Variants in FAM32A observed in about 807,000 individuals in gnomAD.
FAM32A encodes the protein family with sequence similarity 32 member A.
In FAM32A, 9 loss-of-function variants were observed where a neutral mutation model predicts 15.8. The observed-to-expected ratio is 0.57, with a 90% CI of 0.34 to 1.00. FAM32A has a LOEUF of 1.00. Ranked by LOEUF, FAM32A falls within the 50% of genes least tolerant of loss-of-function variation. The pLI is 0.02. For synonymous variants in FAM32A, 64 were observed against 54.9 expected (o/e 1.16, Z -0.73); for missense variants, 113 against 138.3 (o/e 0.82, Z 0.92).
At chr19:16,189,038 T>TG (rs1303594574) in intron 2 of FAM32A, among the ~76,000 whole-genome samples, 45 of 149,056 alleles carry the variant, frequency 3.0e-4, no homozygotes, top group Non-Finnish European at 3.0e-5. Flanking sequence ...TTTTTTTTTT[T>TG]TTTTGAGACA....
intron 2 of FAM32A, among the ~76,000 whole-genome samples, chr19:16,188,340 C>T (rs976592903): frequency 6.6e-6 from 1 of 152,102 alleles, no homozygotes; most frequent in Non-Finnish European, 1.5e-5. Context: ...AATGAAGGTG[C>T]TGTTTACTGG....
intron 2 of FAM32A, 55 bp from the exon 3 acceptor site, chr19:16,190,465 C>T (rs1953687618): frequency 6.9e-6 from 9 of 1,313,160 alleles, no homozygotes; most frequent in Non-Finnish European, 9.8e-6. Context: ...CACCCCATGC[C>T]AGCCTGGGCT....
intron 3 of FAM32A, among the ~76,000 whole-genome samples, 156 bp downstream of exon 3, chr19:16,190,729 C>G (rs1356455216): frequency 6.6e-6 from 1 of 152,094 alleles, no homozygotes; most frequent in East Asian, 1.9e-4. Flanking sequence ...AAAGGGGAGC[C>G]CAGGGTTCAG....
chr19:16,185,835 G>T, intron 2 of FAM32A, 70 bp downstream of exon 2: 2 of 1,494,902 alleles, frequency 1.3e-6, no homozygotes, highest in Non-Finnish European at 1.8e-6. Context: ...TTGGGGTCAG[G>T]GCTGGGACGC....
At position 16,190,985 on chromosome 19, in the gene FAM32A, A is replaced by C. The variant is rs1293643290; in HGVS notation, c.*30A>C. Reference sequence around the variant, plus strand: ...CTGCCCCCAGTATGGAGCAGCATCGAGGGTTCGCAAAAGGCCACACTGGGG... The same window carrying C: ...CTGCCCCCAGTATGGAGCAGCATCGCGGGTTCGCAAAAGGCCACACTGGGG... On this transcript the variant is annotated 3_prime_UTR_variant, in exon 4 of 4. Coordinates refer to ENST00000263384, the MANE Select transcript of FAM32A (RefSeq NM_014077.4). 6.3e-7 allele frequency: 1 copy of C among 1,590,648 alleles called. No homozygotes were observed. Among genetic ancestry groups the C allele is most frequent in the Non-Finnish European group, 8.6e-7 (1 of 1,158,656 alleles).
rs150398351 is a variant in FAM32A at position 16,188,820 on chromosome 19, G to C, written c.217-1700G>C. Reference sequence around the variant, plus strand: ...GGAGGTGAGGGAATGAAGGAGAAGGGGGGGACAGAGAGGAGCAGCCAGGTG... The same window carrying C: ...GGAGGTGAGGGAATGAAGGAGAAGGCGGGGACAGAGAGGAGCAGCCAGGTG... On this transcript the variant is annotated intron_variant, in intron 2 of 3. Transcript: ENST00000263384. 4.8e-3 allele frequency among the ~76,000 whole-genome samples: 729 copies of C among 152,204 alleles called. 6 individuals carry two copies. Among genetic ancestry groups the C allele is most frequent in the African/African-American group, 0.017 (695 of 41,540 alleles).
chr19:16,191,548 CG>C lies in FAM32A; in HGVS notation c.*595del, dbSNP rs1384773435. The C allele has an allele frequency of 9.7e-5, 15 of 154,368 alleles. No homozygotes were observed. The highest frequency in any genetic ancestry group is 2.2e-4 in the Non-Finnish European group (15 of 69,466). 9.6% of individuals were successfully genotyped at this position (154,368 alleles called of 1,614,324 possible). A position where few individuals can be genotyped will look rare whatever the true frequency, so the allele number is the denominator to read the frequency against. ...ACAGCCACCTAAGGCAAGAATGGAA[CG>C]GACACACCTTGCTCCTTTCTGAGCC... On this transcript the variant is annotated 3_prime_UTR_variant, in exon 4 of 4. Coordinates refer to ENST00000263384, the MANE Select transcript of FAM32A (RefSeq NM_014077.4).
In FAM32A at chr19:16,191,253, G is replaced by C; in HGVS notation, c.*298G>C. On this transcript the variant is annotated 3_prime_UTR_variant, in exon 4 of 4. Coordinates refer to ENST00000263384, the MANE Select transcript of FAM32A (RefSeq NM_014077.4). ...TTGTGTGTCTGTGTCATGTAAAAAT[G>C]TTTTCACCCGAGTTGCATGTAACGC... is the stretch of plus-strand genomic sequence containing the variant. The C allele has an allele frequency of 2.6e-6, 1 of 382,316 alleles. No individual in the cohort carries two copies. Among genetic ancestry groups the C allele is most frequent in the Non-Finnish European group, 5.0e-6 (1 of 200,648 alleles). The allele number at this position is 382,316 out of a possible 1,614,324, so 23.7% of individuals were successfully genotyped here.
Position 16,191,073 on chromosome 19 carries a change from T to C in FAM32A, c.*118T>C. On this transcript the variant is annotated 3_prime_UTR_variant, in exon 4 of 4. Coordinates refer to ENST00000263384, the MANE Select transcript of FAM32A (RefSeq NM_014077.4). ...CTACACACACCCTTGCATCTTCTGC[T>C]ACAGACTGCTTTTCGAAGCTGTGTA... 1.3e-6 allele frequency: 1 copy of C among 782,634 alleles called. No homozygotes were observed. Among genetic ancestry groups the C allele is most frequent in the Admixed American group, 2.0e-5 (1 of 49,692 alleles). The allele number at this position is 782,634 out of a possible 1,614,324, so 48.5% of individuals were successfully genotyped here. A position where few individuals can be genotyped will look rare whatever the true frequency, so the allele number is the denominator to read the frequency against.
chr19:16,189,844 T>A (rs1487055334), intron 2 of FAM32A, among the ~76,000 whole-genome samples: 2 of 151,576 alleles, frequency 1.3e-5, no homozygotes, highest in African/African-American at 4.8e-5. Flanking sequence ...ATCAGCTGAT[T>A]TTCTTGTAGA....
At chr19:16,186,011 G>T (rs1471627689) in intron 2 of FAM32A, among the ~76,000 whole-genome samples, 1 of 152,190 alleles carries the variant, frequency 6.6e-6, no homozygotes, top group African/African-American at 2.4e-5. Context: ...TTGAAAGGAG[G>T]CCAGAGCTGG....
intron 2 of FAM32A, among the ~76,000 whole-genome samples, chr19:16,188,138 G>C (rs1055201116): frequency 2.0e-5 from 3 of 152,204 alleles, no homozygotes; most frequent in Middle Eastern, 3.2e-3. Flanking sequence ...AGACTTATGC[G>C]AGACTTAGGC....
chr19:16,190,288 G>A (rs928569938), intron 2 of FAM32A, among the ~76,000 whole-genome samples: 1 of 152,134 alleles, frequency 6.6e-6, no homozygotes, highest in Admixed American at 6.5e-5. Flanking sequence ...TCATGGGTAC[G>A]CGCTCAGGCA....
intron 2 of FAM32A, among the ~76,000 whole-genome samples, chr19:16,187,899 C>T (rs1222827692): frequency 1.3e-5 from 2 of 152,040 alleles, no homozygotes; most frequent in African/African-American, 2.4e-5. Context: ...GCGCCCACCA[C>T]CATGCCCAGC....
In FAM32A at chr19:16,191,066, C is replaced by T. The variant is rs2091404366; in HGVS notation, c.*111C>T. On this transcript the variant is annotated 3_prime_UTR_variant, in exon 4 of 4. Transcript: ENST00000263384. ...AACATGGCTACACACACCCTTGCAT[C>T]TTCTGCTACAGACTGCTTTTCGAAG... 1 of 823,428 alleles carries T rather than the reference C, an allele frequency of 1.2e-6. No homozygotes were observed. Among genetic ancestry groups the T allele is most frequent in the African/African-American group, 1.7e-5 (1 of 59,466 alleles). 51.0% of individuals were successfully genotyped at this position (823,428 alleles called of 1,614,324 possible).
rs1181710182 is a variant in FAM32A at position 16,185,690 on chromosome 19, CGAG to C, written c.148_150del (p.Glu50del). On this transcript the variant is annotated inframe_deletion, in exon 2 of 4. Coordinates refer to ENST00000263384, the MANE Select transcript of FAM32A (RefSeq NM_014077.4). The stretch of plus-strand genomic sequence containing the variant: ...AAGCAATGGGAACGAGCAAAAAGAA[CGAG>C]GAGGAGAAGCGGCGCGGCCTGGACA... 4.4e-6 allele frequency: 7 copies of C among 1,577,230 alleles called. No homozygotes were observed. Among genetic ancestry groups the C allele is most frequent in the South Asian group, 2.3e-5 (2 of 86,324 alleles).
In FAM32A at chr19:16,191,595, C is replaced by A. The variant is rs1047633280; in HGVS notation, c.*640C>A. 2.6e-5 allele frequency: 4 copies of A among 153,218 alleles called. No individual in the cohort carries two copies. Among genetic ancestry groups the A allele is most frequent in the Non-Finnish European group, 5.8e-5 (4 of 68,794 alleles). 9.5% of individuals were successfully genotyped at this position (153,218 alleles called of 1,614,324 possible). A position where few individuals can be genotyped will look rare whatever the true frequency, so the allele number is the denominator to read the frequency against. On this transcript the variant is annotated 3_prime_UTR_variant, in exon 4 of 4. Transcript: ENST00000263384. The stretch of plus-strand genomic sequence containing the variant: ...GAGCCCGTTTCCCAAAACCCCCCTT[C>A]CAGGTGCTTCTAATGGGTGTTGCCA...
rs2091407420 is a variant in FAM32A, at chr19:16,191,548, CGGA to C, written c.*594_*596del. 6.5e-6 allele frequency: 1 copy of C among 154,368 alleles called. No homozygotes were observed. The highest frequency in any genetic ancestry group is 2.0e-4 in the South Asian group (1 of 5,008). 9.6% of individuals were successfully genotyped at this position (154,368 alleles called of 1,614,324 possible). A position where few individuals can be genotyped will look rare whatever the true frequency, so the allele number is the denominator to read the frequency against. ...ACAGCCACCTAAGGCAAGAATGGAA[CGGA>C]CACACCTTGCTCCTTTCTGAGCCCG... On this transcript the variant is annotated 3_prime_UTR_variant, in exon 4 of 4. Coordinates refer to ENST00000263384, the MANE Select transcript of FAM32A (RefSeq NM_014077.4).
intron 2 of FAM32A, among the ~76,000 whole-genome samples, chr19:16,189,108 C>T (rs2091396417): frequency 6.6e-6 from 1 of 150,478 alleles, no homozygotes; most frequent in Non-Finnish European, 1.5e-5. Context: ...CTGTAACCTC[C>T]ACCTCCCGGG....
Sources: allele counts gnomAD v4.1 joint callset (sites outside exome capture counted in the v4.1 genomes callset), GRCh38; gene constraint gnomAD v4.1.1; transcripts MANE v1.5; gene names NCBI Gene and HGNC (gene_info 2026-07-23, HGNC 2026-07-21).